Variants in MGAT4C observed in about 807,000 individuals in gnomAD.
The protein encoded by MGAT4C is MGAT4 family member C, also known as alpha-1,3-mannosyl-glycoprotein 4-beta-N-acetylglucosaminyltransferase C.
Under a neutral mutation model 40.1 loss-of-function variants are expected in MGAT4C, and 19 were observed. The observed-to-expected ratio is 0.47, with a 90% confidence interval of 0.33 to 0.70. MGAT4C has a LOEUF of 0.70. MGAT4C is among the 30% of genes least tolerant of loss of function. The pLI, the probability that MGAT4C is intolerant of heterozygous loss-of-function variation, is 0.02. For missense variants in MGAT4C, 491 were observed against 563.2 expected (o/e 0.87, Z 1.30); for synonymous variants, 181 against 187.1 (o/e 0.97, Z 0.27).
At chr12:86,582,912 T>G (rs1042152921) in intron 2 of MGAT4C, among the ~76,000 whole-genome samples, 2 of 151,262 alleles carry the variant, frequency 1.3e-5, no homozygotes, top group Admixed American at 6.6e-5. Context: ...TTTAAGAATA[T>G]AATTTTCTTA....
chr12:86,490,221 T>A (rs976726429), intron 2 of MGAT4C, among the ~76,000 whole-genome samples: 3 of 152,068 alleles, frequency 2.0e-5, no homozygotes, highest in African/African-American at 7.2e-5. Flanking sequence ...TAACAGCGGA[T>A]CTCTCGGCAG....
intron 2 of MGAT4C, among the ~76,000 whole-genome samples, chr12:86,504,330 A>G (rs1486859385): frequency 6.6e-6 from 1 of 152,164 alleles, no homozygotes; most frequent in African/African-American, 2.4e-5. Context: ...GTGTAAAGAC[A>G]TGTGCTAGAA....
intron 2 of MGAT4C, among the ~76,000 whole-genome samples, chr12:86,640,674 A>G (rs1963354538): frequency 6.6e-6 from 1 of 151,754 alleles, no homozygotes; most frequent in African/African-American, 2.4e-5. Context: ...TTGCTTTTCT[A>G]GTTCTTTTAA....
chr12:86,118,678 A>G (rs1375041324), intron 1 of MGAT4C, among the ~76,000 whole-genome samples: 1 of 152,198 alleles, frequency 6.6e-6, no homozygotes, highest in Non-Finnish European at 1.5e-5. Context: ...ACATTAAATT[A>G]GATATGTTTC....
intron 1 of MGAT4C, among the ~76,000 whole-genome samples, chr12:86,793,245 C>G (rs1055689436): frequency 1.8e-4 from 27 of 151,962 alleles, no homozygotes; most frequent in African/African-American, 5.1e-4. Context: ...AAAGATGCAA[C>G]TTTTGTTCAC....
intron 1 of MGAT4C, among the ~76,000 whole-genome samples, chr12:86,184,374 TA>T (rs748584520): frequency 5.0e-3 from 696 of 137,952 alleles, no homozygotes; most frequent in Middle Eastern, 7.6e-3. Context: ...AGACTCCGTT[TA>T]AAAAAAAAAA....
intron 2 of MGAT4C, among the ~76,000 whole-genome samples, chr12:86,580,206 A>T (rs1385588191): frequency 6.6e-6 from 1 of 151,410 alleles, no homozygotes; most frequent in African/African-American, 2.4e-5. Flanking sequence ...TTAATCAGTG[A>T]CTGCTCAAAT....
intron 3 of MGAT4C, among the ~76,000 whole-genome samples, chr12:86,430,100 C>T (rs1218656431): frequency 6.6e-6 from 1 of 152,050 alleles, no homozygotes; most frequent in African/African-American, 2.4e-5. Context: ...AGATTTCTGT[C>T]TGGTTCTTTC....
intron 1 of MGAT4C, among the ~76,000 whole-genome samples, chr12:86,089,802 T>G (rs925965967): frequency 6.6e-6 from 1 of 151,810 alleles, no homozygotes; most frequent in Non-Finnish European, 1.5e-5. Flanking sequence ...TTTGTATTTG[T>G]TTAGTCAAAA....
chr12:86,394,517 T>A (rs1956214667), intron 3 of MGAT4C, among the ~76,000 whole-genome samples: 1 of 145,712 alleles, frequency 6.9e-6, no homozygotes, highest in African/African-American at 2.5e-5. Flanking sequence ...TAAATATTTA[T>A]ATATTTATAT....
intron 2 of MGAT4C, among the ~76,000 whole-genome samples, chr12:86,471,388 C>T (rs1957755931): frequency 6.6e-6 from 1 of 151,930 alleles, no homozygotes; most frequent in Non-Finnish European, 1.5e-5. Flanking sequence ...AAGTATTTTA[C>T]ATCTTACTTG....
intron 1 of MGAT4C, among the ~76,000 whole-genome samples, chr12:86,134,982 G>T (rs748786048): frequency 1.3e-5 from 2 of 152,040 alleles, no homozygotes; most frequent in African/African-American, 2.4e-5. Flanking sequence ...AAATCTATAG[G>T]ATACCTTTGT....
At chr12:86,506,103 TAGG>T (rs1295187614) in intron 2 of MGAT4C, among the ~76,000 whole-genome samples, 2 of 152,130 alleles carry the variant, frequency 1.3e-5, no homozygotes, top group African/African-American at 4.8e-5. Flanking sequence ...AGTGAAAGGT[TAGG>T]AGTTTTGTCA....
At chr12:86,172,894 T>C (rs1321864627) in intron 1 of MGAT4C, among the ~76,000 whole-genome samples, 2 of 152,148 alleles carry the variant, frequency 1.3e-5, no homozygotes, top group Non-Finnish European at 2.9e-5. Flanking sequence ...TGATTAACTT[T>C]ATTAAAGTTA....
intron 2 of MGAT4C, among the ~76,000 whole-genome samples, chr12:86,039,061 C>G (rs1409114757): frequency 7.2e-6 from 1 of 139,032 alleles, no homozygotes; most frequent in Non-Finnish European, 1.7e-5. Context: ...ATATTGGCCC[C>G]ACTCTCTTCT....
chr12:86,598,325 T>C (rs1211764717), intron 2 of MGAT4C, among the ~76,000 whole-genome samples: 4 of 152,086 alleles, frequency 2.6e-5, no homozygotes, highest in Non-Finnish European at 4.4e-5. Flanking sequence ...ATTCCTTTCA[T>C]TGAAAAATAA....
At chr12:85,998,240 G>A (rs892612844) in intron 2 of MGAT4C, among the ~76,000 whole-genome samples, 4 of 152,172 alleles carry the variant, frequency 2.6e-5, no homozygotes, top group African/African-American at 4.8e-5. Flanking sequence ...GCTGCACACA[G>A]CACTGGGAAT....
chr12:86,130,569 TTTA>T, intron 1 of MGAT4C, among the ~76,000 whole-genome samples: 1 of 152,086 alleles, frequency 6.6e-6, no homozygotes. Context: ...GCTTTTCTTC[TTTA>T]TTGAGAAAGC....
At chr12:86,287,908 C>G (rs1158418310) in intron 4 of MGAT4C, among the ~76,000 whole-genome samples, 1 of 152,152 alleles carries the variant, frequency 6.6e-6, no homozygotes, top group South Asian at 2.1e-4. Context: ...GGTTCTAGAT[C>G]CTTGAGGAAT....
Sources: allele counts gnomAD v4.1 joint callset (sites outside exome capture counted in the v4.1 genomes callset), GRCh38; gene constraint gnomAD v4.1.1; transcripts MANE v1.5; gene names NCBI Gene and HGNC (gene_info 2026-07-23, HGNC 2026-07-21).